GAP43: variants seen among roughly 807,000 people sequenced by gnomAD.
GAP43 encodes the protein neuromodulin.
A neutral mutation model predicts 18.6 loss-of-function variants in GAP43; 6 were observed. The observed-to-expected ratio is 0.32, with a 90% confidence interval of 0.18 to 0.64. The LOEUF is 0.64. GAP43 is among the 30% of genes least tolerant of loss of function. The pLI, the probability that GAP43 is intolerant of heterozygous loss-of-function variation, is 0.78. For synonymous variants in GAP43, 115 were observed against 111.4 expected, an observed-to-expected ratio of 1.03 and a Z score of -0.20; for missense variants, 292 against 295.5, an observed-to-expected ratio of 0.99 and a Z score of 0.09.
intron 2 of GAP43, among the ~76,000 whole-genome samples, chr3:115,703,261 G>C (rs1709318804): frequency 6.6e-6 from 1 of 152,112 alleles, no homozygotes; most frequent in Admixed American, 6.6e-5. Flanking sequence ...TTATTTTTTA[G>C]TGAAGTTTTA....
chr3:115,679,092 C>T (rs529496847), intron 2 of GAP43, among the ~76,000 whole-genome samples: 1 of 152,104 alleles, frequency 6.6e-6, no homozygotes, highest in Non-Finnish European at 1.5e-5. Context: ...GCATCTTCCA[C>T]TGGGCTGTAC....
At chr3:115,659,451 G>A (rs1708629420) in intron 1 of GAP43, among the ~76,000 whole-genome samples, 1 of 152,100 alleles carries the variant, frequency 6.6e-6, no homozygotes, top group Non-Finnish European at 1.5e-5. Context: ...TTTAGACTTG[G>A]TGTGAGATTT....
chr3:115,693,973 G>T (rs967892273), intron 2 of GAP43, among the ~76,000 whole-genome samples: 4 of 152,252 alleles, frequency 2.6e-5, no homozygotes, highest in African/African-American at 9.6e-5. Flanking sequence ...GCCTTCCAGG[G>T]CTTATTAATG....
At chr3:115,695,562 A>C (rs1046212549) in intron 2 of GAP43, among the ~76,000 whole-genome samples, 5 of 152,216 alleles carry the variant, frequency 3.3e-5, no homozygotes, top group Non-Finnish European at 5.9e-5. Flanking sequence ...GGAGAAATCA[A>C]AGTACAGAGA....
chr3:115,665,794 T>C (rs911307251), intron 1 of GAP43, among the ~76,000 whole-genome samples: 1 of 152,206 alleles, frequency 6.6e-6, no homozygotes, highest in African/African-American at 2.4e-5. Flanking sequence ...TGATCTTCAG[T>C]ACCAGATGCT....
At chr3:115,661,518 T>C (rs965659092) in intron 1 of GAP43, among the ~76,000 whole-genome samples, 3 of 152,204 alleles carry the variant, frequency 2.0e-5, no homozygotes, top group Non-Finnish European at 4.4e-5. Flanking sequence ...GAGAGGAATC[T>C]CGCTCTGTCG....
At chr3:115,669,923 T>C (rs1318178156) in intron 1 of GAP43, among the ~76,000 whole-genome samples, 2 of 151,770 alleles carry the variant, frequency 1.3e-5, no homozygotes, top group African/African-American at 2.4e-5. Flanking sequence ...GACTGCATGT[T>C]GGGGGATCCG....
intron 1 of GAP43, among the ~76,000 whole-genome samples, chr3:115,646,147 AACTC>A (rs1708455258): frequency 6.6e-6 from 1 of 152,136 alleles, no homozygotes; most frequent in African/African-American, 2.4e-5. Flanking sequence ...AGGATCCAGA[AACTC>A]AGTGCCAAGG....
At chr3:115,684,359 A>G (rs1187303692) in intron 2 of GAP43, among the ~76,000 whole-genome samples, 1 of 152,152 alleles carries the variant, frequency 6.6e-6, no homozygotes, top group African/African-American at 2.4e-5. Flanking sequence ...AGTGGAGATG[A>G]ACATTTCTAT....
chr3:115,705,788 T>C (rs1709356131), intron 2 of GAP43, among the ~76,000 whole-genome samples: 1 of 152,214 alleles, frequency 6.6e-6, no homozygotes, highest in Non-Finnish European at 1.5e-5. Flanking sequence ...CTCTTAAGTA[T>C]GGACCTAAAT....
At chr3:115,698,128 T>TTAA (rs1709233012) in intron 2 of GAP43, among the ~76,000 whole-genome samples, 2 of 10,474 alleles carry the variant, frequency 1.9e-4, no homozygotes, top group Non-Finnish European at 4.6e-4. Context: ...ATATATTATA[T>TTAA]ATAATATATA....
intron 2 of GAP43, among the ~76,000 whole-genome samples, chr3:115,709,963 C>A (rs1442173651): frequency 6.6e-6 from 1 of 151,986 alleles, no homozygotes; most frequent in African/African-American, 2.4e-5. Context: ...CACCCCTAAA[C>A]CTCTGCTTAT....
chr3:115,687,984 G>A (rs1709055514), intron 2 of GAP43, among the ~76,000 whole-genome samples: 1 of 150,586 alleles, frequency 6.6e-6, no homozygotes, highest in Non-Finnish European at 1.5e-5. Flanking sequence ...GACTCACCCA[G>A]GGTTACTAAC....
chr3:115,709,930 AT>A (rs1357627692), intron 2 of GAP43, among the ~76,000 whole-genome samples: 2 of 151,968 alleles, frequency 1.3e-5, no homozygotes, highest in Non-Finnish European at 2.9e-5. Flanking sequence ...TTTCCAGTTT[AT>A]GGCTCGATAA....
chr3:115,649,552 G>A (rs1375467948), intron 1 of GAP43, among the ~76,000 whole-genome samples: 2 of 152,172 alleles, frequency 1.3e-5, no homozygotes, highest in East Asian at 1.9e-4. Flanking sequence ...GAAGGGATAA[G>A]TTCAAATGTT....
intron 1 of GAP43, among the ~76,000 whole-genome samples, chr3:115,641,057 G>A (rs1425688185): frequency 9.5e-6 from 1 of 105,374 alleles, no homozygotes; most frequent in African/African-American, 3.5e-5. Flanking sequence ...TTTCAATGAG[G>A]TTTTACTATG....
intron 1 of GAP43, among the ~76,000 whole-genome samples, chr3:115,652,356 C>CTTTTTTT (rs71141831): frequency 0.021 from 927 of 43,850 alleles, 215 homozygotes; most frequent in Middle Eastern, 0.048. Flanking sequence ...ATCCAGCATT[C>CTTTTTTT]TTTTTTTTTT....
intron 2 of GAP43, among the ~76,000 whole-genome samples, chr3:115,714,853 A>G (rs561640699): frequency 4.0e-5 from 6 of 149,450 alleles, no homozygotes; most frequent in African/African-American, 1.5e-4. Context: ...TGGTCACTAC[A>G]TAGATACACG....
intron 2 of GAP43, among the ~76,000 whole-genome samples, chr3:115,718,673 G>C (rs946548359): frequency 6.6e-6 from 1 of 152,088 alleles, no homozygotes; most frequent in African/African-American, 2.4e-5. Context: ...TATAAAATAA[G>C]TCAGACTTTA....
Sources: gnomAD v4.1 joint callset for allele counts (sites outside exome capture counted in the v4.1 genomes callset) on GRCh38, gnomAD v4.1.1 for gene constraint, MANE v1.5 for transcripts, NCBI Gene and HGNC (gene_info 2026-07-23, HGNC 2026-07-21) for gene names.